The following NINJ2 variants were observed in gnomAD, a reference collection of about 807,000 sequenced individuals.
The protein encoded by NINJ2 is ninjurin 2.
NINJ2 carries 12 observed loss-of-function variants against 11.7 expected under a neutral mutation model. The observed-to-expected ratio is 1.02, with a 90% CI of 0.66 to 1.66. The LOEUF (loss-of-function observed/expected upper bound fraction) is 1.66, where lower values mean the gene tolerates loss of function less well. Ranked by LOEUF, NINJ2 falls within the 40% of genes most tolerant of loss-of-function variation. The probability of loss-of-function intolerance (pLI) is 0.00; values close to 1 mark genes in which losing one functional copy is unlikely to be tolerated. For synonymous variants in NINJ2, 93 were observed against 76.8 expected (o/e 1.21, Z -1.10); for missense variants, 187 against 181.8 (o/e 1.03, Z -0.16).
rs1016505176 is a variant in NINJ2, at chr12:616,089, G to C, written c.33+47239C>G. On this transcript the variant is annotated intron_variant, in intron 1 of 3. Coordinates refer to ENST00000305108, the MANE Select transcript of NINJ2 (RefSeq NM_016533.6). ...AAAGGAAGTTCTCAGGAAGGTAAAG[G>C]ACTGGTTCAAGGAAACTTCTGAGTA... Among the ~76,000 whole-genome samples, 102 of 152,182 alleles carry C rather than the reference G, an allele frequency of 6.7e-4. 1 individual carries two copies. The highest frequency in any genetic ancestry group is 6.2e-3 in the Admixed American group (94 of 15,280).
At chr12:601,453 C>T (rs1947869963) in intron 1 of NINJ2, among the ~76,000 whole-genome samples, 1 of 151,744 alleles carries the variant, frequency 6.6e-6, no homozygotes, top group African/African-American at 2.4e-5. Context: ...GAGGCTGAGG[C>T]AGGAGAATGG....
intron 1 of NINJ2, among the ~76,000 whole-genome samples, chr12:578,580 A>G (rs1201561020): frequency 6.6e-6 from 1 of 152,096 alleles, no homozygotes; most frequent in Non-Finnish European, 1.5e-5. Flanking sequence ...GCACCCTCAA[A>G]GTGCTGGGAT....
chr12:589,508 G>A (rs1206878098), intron 1 of NINJ2: 1 of 152,168 alleles, frequency 6.6e-6, no homozygotes, highest in Non-Finnish European at 1.5e-5. Context: ...TTTCCCAATT[G>A]TAGGTTGTTT....
intron 1 of NINJ2, among the ~76,000 whole-genome samples, chr12:651,985 GAAAT>G (rs1469778279): frequency 6.6e-6 from 1 of 152,170 alleles, no homozygotes; most frequent in Non-Finnish European, 1.5e-5. Flanking sequence ...ATGTGTAATG[GAAAT>G]AAATGAAGGA....
chr12:620,461 G>C (rs980978158), intron 1 of NINJ2, among the ~76,000 whole-genome samples: 15 of 152,254 alleles, frequency 9.9e-5, no homozygotes, highest in Non-Finnish European at 1.9e-4. Flanking sequence ...AGCCTGTGCT[G>C]TTTGTCAAAT....
chr12:595,993 A>T (rs1362075930), intron 1 of NINJ2, among the ~76,000 whole-genome samples: 7 of 152,216 alleles, frequency 4.6e-5, no homozygotes, highest in Non-Finnish European at 1.0e-4. Flanking sequence ...AATGGCCAAA[A>T]TCCAGAACAC....
intron 1 of NINJ2, among the ~76,000 whole-genome samples, chr12:587,325 C>A (rs1947652910): frequency 6.6e-6 from 1 of 152,240 alleles, no homozygotes; most frequent in Non-Finnish European, 1.5e-5. Context: ...ACAGGCTGAA[C>A]CCACAGCACA....
chr12:657,316 G>A (rs1258189235), intron 1 of NINJ2, among the ~76,000 whole-genome samples: 1 of 152,122 alleles, frequency 6.6e-6, no homozygotes, highest in South Asian at 2.1e-4. Flanking sequence ...AAGGCCGGGC[G>A]CAGTGGCTCA....
rs1281110797 is a variant in NINJ2 at position 580,594 on chromosome 12, A to AT, written c.34-14417_34-14416insA. Among the ~76,000 whole-genome samples, 5 of 76,254 alleles carry AT rather than the reference A, an allele frequency of 6.6e-5. No homozygotes were observed. In the East Asian group the frequency reaches 1.3e-3, roughly 20 times the overall value. The allele number at this position is 76,254 out of a possible 152,430, so 50.0% of individuals were successfully genotyped here. On this transcript the variant is annotated intron_variant, in intron 1 of 3. Transcript: ENST00000305108. The surrounding 1 kb of genome is among the most constrained non-coding windows in gnomAD (Gnocchi z 4.7). ...AGAGAGAGACCCTGTCTCAAAAAAA[A>AT]AAAAATATATATATATATATATCCA... is the stretch of plus-strand genomic sequence containing the variant.
chr12:611,766 C>G (rs58766696), intron 1 of NINJ2, among the ~76,000 whole-genome samples: 14,975 of 152,302 alleles, frequency 0.098, 974 homozygotes, highest in African/African-American at 0.18. Flanking sequence ...ATACCTCTTT[C>G]TTGGCAATAA....
At chr12:638,887 T>C (rs941153224) in intron 1 of NINJ2, among the ~76,000 whole-genome samples, 1 of 152,214 alleles carries the variant, frequency 6.6e-6, no homozygotes, top group African/African-American at 2.4e-5. Flanking sequence ...CAGCGAACAT[T>C]ACATCAGTAT....
intron 1 of NINJ2, among the ~76,000 whole-genome samples, chr12:615,351 G>C (rs1383595905): frequency 6.6e-6 from 1 of 152,118 alleles, no homozygotes; most frequent in Non-Finnish European, 1.5e-5. Flanking sequence ...CACTTTGGGA[G>C]GCCGAGGCAG....
rs914396230 is a variant in NINJ2 at position 633,219 on chromosome 12, C to T, written c.33+30109G>A. ...CTCCTCCATTAAAAAAAAACAAGGC[C>T]GGGCGCGGTGGCTCACACCTGTAAT... On this transcript the variant is annotated intron_variant, in intron 1 of 3. Transcript: ENST00000305108. This position sits in a 1 kb window ranked among gnomAD's most constrained non-coding sequence, Gnocchi z 4.3. Among the ~76,000 whole-genome samples the T allele has an allele frequency of 6.6e-6, 1 of 151,966 alleles. No homozygotes were observed. The highest frequency in any genetic ancestry group is 1.5e-5 in the Non-Finnish European group (1 of 68,022).
At chr12:607,094 T>C (rs1329676295) in intron 1 of NINJ2, among the ~76,000 whole-genome samples, 9 of 152,164 alleles carry the variant, frequency 5.9e-5, no homozygotes, top group Non-Finnish European at 1.3e-4. Flanking sequence ...TTTCAGTCAC[T>C]TGCAACCAAA....
rs989547366 is a variant in NINJ2, at chr12:633,488, A to T, written c.33+29840T>A. 2.0e-5 allele frequency among the ~76,000 whole-genome samples: 3 copies of T among 151,458 alleles called. No homozygotes were observed. Among genetic ancestry groups the T allele is most frequent in the African/African-American group, 7.3e-5 (3 of 41,114 alleles). ...GCATTCCAGCCTGGGCAACAGAAAG[A>T]GACTGTCTCCAAAAAAAAAAAATCA... On this transcript the variant is annotated intron_variant, in intron 1 of 3. Transcript: ENST00000305108. This position sits in a 1 kb window ranked among gnomAD's most constrained non-coding sequence, Gnocchi z 4.3.
intron 1 of NINJ2, among the ~76,000 whole-genome samples, chr12:657,444 CG>C (rs942388160): frequency 4.1e-4 from 63 of 152,104 alleles, no homozygotes; most frequent in African/African-American, 1.2e-3. Context: ...AAAAATTAGC[CG>C]GGGCATGGTG....
chr12:619,066 A>G (rs569488277), intron 1 of NINJ2, among the ~76,000 whole-genome samples: 1 of 152,322 alleles, frequency 6.6e-6, no homozygotes, highest in East Asian at 1.9e-4. Flanking sequence ...TTGTGGAGAA[A>G]TAGTTGGGGA....
intron 1 of NINJ2, among the ~76,000 whole-genome samples, chr12:634,565 C>T (rs1948324930): frequency 1.3e-5 from 2 of 151,826 alleles, no homozygotes; most frequent in Admixed American, 6.6e-5. Context: ...GGCCTAGTTG[C>T]AGTTCTTTTT....
chr12:661,541 G>A (rs903030354), intron 1 of NINJ2, among the ~76,000 whole-genome samples: 3 of 152,216 alleles, frequency 2.0e-5, no homozygotes, highest in East Asian at 1.9e-4. Flanking sequence ...CATTCATCCA[G>A]CCTAGCCAGT....
Sources: allele counts gnomAD v4.1 joint callset (sites outside exome capture counted in the v4.1 genomes callset), GRCh38; gene constraint gnomAD v4.1.1; non-coding constraint Gnocchi (gnomAD v3.1); transcripts MANE v1.5; gene names NCBI Gene and HGNC (gene_info 2026-07-23, HGNC 2026-07-21).